The following PALLD variants were observed in gnomAD, a reference collection of about 807,000 sequenced individuals.
PALLD encodes palladin, cytoskeletal associated protein, also known as palladin.
In PALLD, 61 loss-of-function variants were observed where a neutral mutation model predicts 123.5. That is an observed-to-expected ratio of 0.49 (90% CI 0.40 to 0.61). PALLD has a LOEUF of 0.61. Ranked by LOEUF, PALLD falls within the 20% of genes least tolerant of loss-of-function variation. The pLI is 0.00. For synonymous variants in PALLD, 465 were observed against 496.4 expected (o/e 0.94, Z 0.84); for missense variants, 1,273 against 1,377.0 (o/e 0.92, Z 1.20).
chr4:168,823,598 T>G (rs1449626877), intron 10 of PALLD, among the ~76,000 whole-genome samples: 1 of 151,976 alleles, frequency 6.6e-6, no homozygotes, highest in Non-Finnish European at 1.5e-5. Flanking sequence ...GAGGATGGCT[T>G]GATCCCAGAA....
intron 18 of PALLD, among the ~76,000 whole-genome samples, chr4:168,922,626 T>C (rs916671681): frequency 2.6e-5 from 4 of 152,210 alleles, no homozygotes; most frequent in Non-Finnish European, 5.9e-5. Context: ...AACTCTTGGA[T>C]TATGATTCTG....
intron 2 of PALLD, among the ~76,000 whole-genome samples, chr4:168,604,855 G>A (rs1773014417): frequency 6.6e-6 from 1 of 152,134 alleles, no homozygotes. Flanking sequence ...AAGAAACAAA[G>A]TTCTCAACTG....
chr4:168,789,851 CTT>C (rs1211672534), intron 10 of PALLD, among the ~76,000 whole-genome samples: 6 of 152,140 alleles, frequency 3.9e-5, no homozygotes, highest in Non-Finnish European at 8.8e-5. Context: ...TTTCCTCTCT[CTT>C]TAAGGAAAAA....
intron 2 of PALLD, among the ~76,000 whole-genome samples, chr4:168,620,329 C>T (rs1164909215): frequency 6.6e-6 from 1 of 152,110 alleles, no homozygotes; most frequent in Admixed American, 6.5e-5. Context: ...GTGGCACGCT[C>T]CTGTAATCGC....
chr4:168,660,935 C>T (rs541260931), intron 2 of PALLD, among the ~76,000 whole-genome samples: 21 of 150,794 alleles, frequency 1.4e-4, no homozygotes, highest in East Asian at 9.7e-4. Flanking sequence ...GACAGAGTCT[C>T]GCTCTGTCAC....
At chr4:168,809,670 C>T (rs1189442376) in intron 10 of PALLD, among the ~76,000 whole-genome samples, 1 of 152,030 alleles carries the variant, frequency 6.6e-6, no homozygotes, top group Non-Finnish European at 1.5e-5. Context: ...TCTAGACCAG[C>T]CTGGTCAACA....
intron 2 of PALLD, among the ~76,000 whole-genome samples, chr4:168,567,696 AAC>A (rs1768545021): frequency 6.6e-6 from 1 of 152,012 alleles, no homozygotes; most frequent in Middle Eastern, 3.4e-3. Flanking sequence ...ATGACTCAGA[AAC>A]ACAAAGTCAA....
At chr4:168,590,868 T>C (rs1423822611) in intron 2 of PALLD, among the ~76,000 whole-genome samples, 3 of 23,374 alleles carry the variant, frequency 1.3e-4, no homozygotes, top group African/African-American at 9.5e-4. Flanking sequence ...TAGAAAGTTT[T>C]TTTTTTTTTT....
chr4:168,803,637 G>T lies in PALLD; in HGVS notation c.1965-87285G>T, dbSNP rs527873328. Among the ~76,000 whole-genome samples, 4 of 148,654 alleles carry T rather than the reference G, an allele frequency of 2.7e-5. No homozygotes were observed. In the South Asian group the frequency reaches 8.5e-4, roughly 32 times the overall value. The stretch of plus-strand genomic sequence containing the variant: ...GGATTCTGAGGCTGCAGTGAGCTAC[G>T]ATGGCGTACTGCACTCCAGCCTGGG... On this transcript the variant is annotated intron_variant, in intron 10 of 21. Coordinates refer to ENST00000505667, the MANE Select transcript of PALLD (RefSeq NM_001166108.2).
intron 10 of PALLD, among the ~76,000 whole-genome samples, chr4:168,826,435 C>T (rs1034806290): frequency 6.6e-5 from 10 of 152,128 alleles, no homozygotes; most frequent in Non-Finnish European, 1.2e-4. Flanking sequence ...TTTACATCTC[C>T]GCTCCTCCCC....
chr4:168,630,605 A>AT (rs1195692892), intron 2 of PALLD, among the ~76,000 whole-genome samples: 1 of 152,166 alleles, frequency 6.6e-6, no homozygotes, highest in Admixed American at 6.5e-5. Context: ...TCCGGAACGC[A>AT]TTTTTTGATA....
chr4:168,905,214 G>A (rs1222692093), intron 15 of PALLD, among the ~76,000 whole-genome samples: 1 of 136,046 alleles, frequency 7.4e-6, no homozygotes, highest in Admixed American at 7.9e-5. Context: ...GCAGTGGCGC[G>A]ATCTCGGCTC....
chr4:168,704,694 GTTGTAT>G (rs1784063547), intron 8 of PALLD, among the ~76,000 whole-genome samples: 1 of 148,780 alleles, frequency 6.7e-6, no homozygotes, highest in Non-Finnish European at 1.5e-5. Context: ...AAATGTGTAT[GTTGTAT>G]TTGTATTACC....
intron 10 of PALLD, among the ~76,000 whole-genome samples, chr4:168,767,542 AT>A (rs5863956): frequency 0.54 from 68,330 of 125,588 alleles, 18,529 homozygotes; most frequent in Non-Finnish European, 0.61. Context: ...CCTGTCTCTG[AT>A]TTTTTTTTTT....
chr4:168,772,217 T>C (rs1468951972), intron 10 of PALLD, among the ~76,000 whole-genome samples: 1 of 152,214 alleles, frequency 6.6e-6, no homozygotes, highest in East Asian at 1.9e-4. Flanking sequence ...AAGTGACAGC[T>C]AGGACTTGAA....
intron 2 of PALLD, among the ~76,000 whole-genome samples, chr4:168,646,727 A>G (rs1777495150): frequency 6.6e-6 from 1 of 152,154 alleles, no homozygotes; most frequent in African/African-American, 2.4e-5. Flanking sequence ...GAAACATCCT[A>G]TTTCTCTTTG....
chr4:168,559,586 T>G (rs898072548), intron 2 of PALLD, among the ~76,000 whole-genome samples: 3 of 152,050 alleles, frequency 2.0e-5, no homozygotes, highest in Admixed American at 2.0e-4. Flanking sequence ...GCAGAGAACT[T>G]TTGAGTCTTA....
intron 3 of PALLD, among the ~76,000 whole-genome samples, chr4:168,680,315 T>TAA (rs550083822): frequency 1.5e-5 from 2 of 132,356 alleles, no homozygotes. Flanking sequence ...CCATCTCTGC[T>TAA]AAAAAAAAAA....
At chr4:168,502,309 T>G (rs1444301031) in intron 1 of PALLD, among the ~76,000 whole-genome samples, 1 of 152,188 alleles carries the variant, frequency 6.6e-6, no homozygotes, top group East Asian at 1.9e-4. Flanking sequence ...GAAAATAGAA[T>G]AAATGCTTTT....
Sources: gnomAD v4.1 joint callset for allele counts (sites outside exome capture counted in the v4.1 genomes callset) on GRCh38, gnomAD v4.1.1 for gene constraint, MANE v1.5 for transcripts, NCBI Gene and HGNC (gene_info 2026-07-23, HGNC 2026-07-21) for gene names.